The following TRPV3 variants were observed in gnomAD, a reference collection of about 807,000 sequenced individuals.
The protein encoded by TRPV3 is transient receptor potential cation channel subfamily V member 3, also known as VRL-3.
In TRPV3, 88 loss-of-function variants were observed where a neutral mutation model predicts 87.1. The ratio of observed to expected loss-of-function variants is 1.01; its 90% CI spans 0.85 to 1.21. The LOEUF (loss-of-function observed/expected upper bound fraction) is 1.21. Among genes scored for constraint, TRPV3 ranks in the 50% most tolerant of loss-of-function variants. TRPV3 has a pLI of 0.00. For synonymous variants in TRPV3, 438 were observed against 423.3 expected, an observed-to-expected ratio of 1.03 and a Z score of -0.43; for missense variants, 1,054 against 1,030.1, an observed-to-expected ratio of 1.02 and a Z score of -0.32.
At position 3,518,705 on chromosome 17, in the gene TRPV3, A is replaced by T; in HGVS notation, c.1956T>A (p.Ile652=). 6.2e-7 allele frequency: 1 copy of T among 1,612,468 alleles called. No homozygotes were observed. The highest frequency in any genetic ancestry group is 8.5e-7 in the Non-Finnish European group (1 of 1,179,376). The stretch of plus-strand genomic sequence containing the variant: ...AGGTGATGAGCAGGAACAGAAAGAG[A>T]ATGGGATACTTGGAGTTCTGCTGGA... ...LNIQQNSKYP[I]LFLFLLITYV... is the part of the protein sequence containing the mutation. The change falls in exon 15 of 18, where the codon ATT becomes ATA. Residue 652 remains isoleucine (I), a synonymous_variant. Coordinates refer to ENST00000576742, the MANE Select transcript of TRPV3 (RefSeq NM_145068.4). This position sits in a 1 kb window ranked among gnomAD's most constrained non-coding sequence, Gnocchi z 4.3.
intron 9 of TRPV3, among the ~76,000 whole-genome samples, chr17:3,529,793 G>GCCACCA (rs1007753651): frequency 3.1e-5 from 1 of 32,768 alleles, no homozygotes; most frequent in African/African-American, 1.0e-4. Context: ...CACCGCCCCC[G>GCCACCA]CCACCACCAC....
At chr17:3,521,910 T>C (rs1359585117) in intron 13 of TRPV3, among the ~76,000 whole-genome samples, 1 of 152,052 alleles carries the variant, frequency 6.6e-6, no homozygotes, top group East Asian at 1.9e-4. Flanking sequence ...ACCCCGTCTC[T>C]ACTAAAAATA....
intron 1 of TRPV3, 110 bp from the exon 2 acceptor site, chr17:3,554,962 C>A (rs1218216661): frequency 6.2e-6 from 4 of 641,790 alleles, no homozygotes; most frequent in Non-Finnish European, 1.1e-5. Flanking sequence ...CTACCTGGAA[C>A]TGGAAGCTCA....
At chr17:3,534,192 G>T (rs1364992790) in intron 7 of TRPV3, among the ~76,000 whole-genome samples, 2 of 152,208 alleles carry the variant, frequency 1.3e-5, no homozygotes, top group Middle Eastern at 3.4e-3. Flanking sequence ...CCGTTTTCCA[G>T]GACACCCACA....
Position 3,530,134 on chromosome 17 carries a change from C to T in TRPV3, c.1135G>A (p.Asp379Asn), listed in dbSNP as rs781501333. 22 of 1,613,994 alleles carry T rather than the reference C, an allele frequency of 1.4e-5. No homozygotes were observed. The East Asian group carries it at 2.0e-4, about 15-fold the overall frequency. The change falls in exon 9 of 18, where the codon GAC (aspartate) becomes AAC (asparagine). Residue 379 changes from aspartate to asparagine, a missense_variant. Asp to Asn is a conservative substitution (Grantham distance 23). Coordinates refer to ENST00000576742, the MANE Select transcript of TRPV3 (RefSeq NM_145068.4). This position sits in a 1 kb window ranked among gnomAD's most constrained non-coding sequence, Gnocchi z 4.0. ...GATGACACGGGTCCGTACGCCCAGT[C>T]GGTGAACTTCCTGGACAGGCTCCGG... ...RLRSLSRKFTDWAYGPVSSSL... is the reference protein window; with the variant it reads ...RLRSLSRKFTNWAYGPVSSSL...
At position 3,528,970 on chromosome 17, in the gene TRPV3, T is replaced by C. The variant is rs1377968204; in HGVS notation, c.1268A>G (p.Glu423Gly). 1.2e-6 allele frequency: 2 copies of C among 1,614,108 alleles called. No individual in the cohort carries two copies. The highest frequency in any genetic ancestry group is 2.7e-5 in the African/African-American group (2 of 75,020). ...IDNRHEMLTLEPLHTLLHMKW... is the reference protein window; with the variant it reads ...IDNRHEMLTLGPLHTLLHMKW... ...CATATGCAGCAGCGTGTGCAGCGGC[T>C]CCAGGGTCAGCATCTCATGCCGGTT... Residue 423 changes from glutamate (E) to glycine (G), a missense_variant, in exon 10 of 18, where the codon GAG becomes GGG. Coordinates refer to ENST00000576742, the MANE Select transcript of TRPV3 (RefSeq NM_145068.4). The surrounding 1 kb of genome is among the most constrained non-coding windows in gnomAD (Gnocchi z 4.2).
chr17:3,536,809 C>T (rs1161023334), intron 6 of TRPV3, among the ~76,000 whole-genome samples: 3 of 151,980 alleles, frequency 2.0e-5, no homozygotes, highest in African/African-American at 7.2e-5. Context: ...AGAAGGGTAG[C>T]GGGAGAGACA....
rs1019982418 is a variant in TRPV3, at chr17:3,535,705, C to A, written c.652G>T (p.Ala218Ser). ...CGCCGCTCGATGGCGATGTTCAGCG[C>A]CGTCTGCCCTGCGGAGCGGGCGGGG... ...YTEEAYEGQT[A>S]LNIAIERRQG... The change falls in exon 7 of 18, where the codon GCG becomes TCG. Residue 218 changes from alanine (A) to serine (S), a missense_variant. By Grantham distance (99) the Ala-to-Ser change is moderately conservative. Transcript: ENST00000576742. 1.3e-6 allele frequency: 2 copies of A among 1,545,514 alleles called. No individual in the cohort carries two copies. The highest frequency in any genetic ancestry group is 1.7e-6 in the Non-Finnish European group (2 of 1,149,122).
chr17:3,529,679 G>C (rs1452789317), intron 9 of TRPV3, among the ~76,000 whole-genome samples: 3 of 152,054 alleles, frequency 2.0e-5, no homozygotes, highest in East Asian at 3.9e-4. Flanking sequence ...TACACCAACG[G>C]GGGGTGGGAG....
In TRPV3 at chr17:3,528,886, T is replaced by A; in HGVS notation, c.1352A>T (p.Tyr451Phe). The change falls in exon 10 of 18, where the codon TAC (tyrosine) becomes TTC (phenylalanine). Residue 451 changes from tyrosine (Y) to phenylalanine (F), a missense_variant. By Grantham distance (22) the Tyr-to-Phe change is conservative. Coordinates refer to ENST00000576742, the MANE Select transcript of TRPV3 (RefSeq NM_145068.4). The surrounding 1 kb of genome is among the most constrained non-coding windows in gnomAD (Gnocchi z 4.2). The part of the protein sequence containing the change: ...FFLSFCFYFF[Y>F]NITLTLVSYY... ...CGAGACGAGGGTCAGGGTGATGTTG[T>A]AGAAGAAATAAAAGCAGAAGGACAG... The A allele has an allele frequency of 6.2e-7, 1 of 1,614,114 alleles. No homozygotes were observed. The highest frequency in any genetic ancestry group is 8.5e-7 in the Non-Finnish European group (1 of 1,180,040).
intron 1 of TRPV3, among the ~76,000 whole-genome samples, chr17:3,555,809 A>T (rs2074624387): frequency 6.6e-6 from 1 of 151,992 alleles, no homozygotes; most frequent in Non-Finnish European, 1.5e-5. Flanking sequence ...GAACCTGGGG[A>T]GCTCATGGGG....
chr17:3,546,309 G>A (rs1334670730), intron 2 of TRPV3, among the ~76,000 whole-genome samples: 1 of 152,014 alleles, frequency 6.6e-6, no homozygotes, highest in African/African-American at 2.4e-5. Context: ...AGGCGTCGTG[G>A]TGCATGCCTG....
intron 15 of TRPV3, among the ~76,000 whole-genome samples, chr17:3,517,560 A>G (rs2074193630): frequency 7.1e-6 from 1 of 141,744 alleles, no homozygotes; most frequent in South Asian, 2.4e-4. Flanking sequence ...CAGAGTTTGC[A>G]GTGAGCTGAT....
At position 3,542,462 on chromosome 17, in the gene TRPV3, T is replaced by A. The variant is rs1010807473; in HGVS notation, c.643+60A>T. The stretch of plus-strand genomic sequence containing the variant: ...CGTGGCCTGGCCAGCAGTGGCCCTG[T>A]GGCCCCATACCCCACCCTCAGAGAC... On this transcript the variant is annotated intron_variant, in intron 6 of 17. Coordinates refer to ENST00000576742, the MANE Select transcript of TRPV3 (RefSeq NM_145068.4). 36 of 1,564,598 alleles carry A rather than the reference T, an allele frequency of 2.3e-5. No individual in the cohort carries two copies. The African/African-American group carries it at 4.6e-4, about 20-fold the overall frequency.
Position 3,524,356 on chromosome 17 carries a change from G to T in TRPV3, c.1585C>A (p.Gln529Lys), listed in dbSNP as rs891812679. Residue 529 changes from glutamine to lysine, a missense_variant, in exon 13 of 18, where the codon CAA becomes AAA. Transcript: ENST00000576742. ...ACAGACAGTATCACAAGCACAGCTT[G>T]GATAAAACTGTTCAGGAGACACAGG... ...DAWFHFVFFI[Q>K]AVLVILSVFL... 1 of 1,614,188 alleles carries T rather than the reference G, an allele frequency of 6.2e-7. No individual in the cohort carries two copies. Among genetic ancestry groups the T allele is most frequent in the Non-Finnish European group, 8.5e-7 (1 of 1,180,014 alleles).
chr17:3,538,972 G>A (rs904229084), intron 6 of TRPV3, among the ~76,000 whole-genome samples: 3 of 152,148 alleles, frequency 2.0e-5, no homozygotes, highest in African/African-American at 7.2e-5. Context: ...CTGTGCACAG[G>A]GTCATAGACA....
chr17:3,528,777 C>A lies in TRPV3; in HGVS notation c.1401+60G>T. ...TCAGTTTTCCCACCTGCACGTGGGG[C>A]AGCTCCAAGCCCCTCCAGCTCTGAC... On this transcript the variant is annotated intron_variant, in intron 10 of 17. Coordinates refer to ENST00000576742, the MANE Select transcript of TRPV3 (RefSeq NM_145068.4). The surrounding 1 kb of genome is among the most constrained non-coding windows in gnomAD (Gnocchi z 4.2). 1 of 1,598,014 alleles carries A rather than the reference C, an allele frequency of 6.3e-7. No individual in the cohort carries two copies. Among genetic ancestry groups the A allele is most frequent in the Non-Finnish European group, 8.5e-7 (1 of 1,170,512 alleles).
At chr17:3,545,348 A>G (rs2074514102) in intron 2 of TRPV3, 77 bp from the exon 3 acceptor site, 1 of 1,145,162 alleles carries the variant, frequency 8.7e-7, no homozygotes, top group East Asian at 2.4e-5. Flanking sequence ...TCCTGGCCCC[A>G]GAGGGTGCCC....
At chr17:3,516,603 C>T in intron 15 of TRPV3, 34 bp from the exon 16 acceptor site, 1 of 1,514,190 alleles carries the variant, frequency 6.6e-7, no homozygotes, top group Non-Finnish European at 9.2e-7. Flanking sequence ...GAGTAGGCAT[C>T]CACACTCACA....
Sources: gnomAD v4.1 joint callset for allele counts (sites outside exome capture counted in the v4.1 genomes callset) on GRCh38, gnomAD v4.1.1 for gene constraint, Gnocchi (gnomAD v3.1) non-coding constraint, MANE v1.5 for transcripts, NCBI Gene and HGNC (gene_info 2026-07-23, HGNC 2026-07-21) for gene names.